Variants in TNPO3 observed in about 807,000 individuals in gnomAD.
The protein encoded by TNPO3 is transportin-3.
In TNPO3, 65 loss-of-function variants were observed where a neutral mutation model predicts 122.8. That is an observed-to-expected ratio of 0.53 (90% CI 0.43 to 0.65). TNPO3 has a LOEUF of 0.65. Among genes scored for constraint, TNPO3 ranks in the 30% least tolerant of loss-of-function variants. The pLI, the probability that TNPO3 is intolerant of heterozygous loss-of-function variation, is 0.00. For missense variants in TNPO3, 850 were observed against 1,136.7 expected (o/e 0.75, Z 3.63); for synonymous variants, 372 against 411.2 (o/e 0.90, Z 1.15).
intron 1 of TNPO3, among the ~76,000 whole-genome samples, chr7:129,035,919 T>A (rs1231282807): frequency 6.6e-6 from 1 of 151,518 alleles, no homozygotes; most frequent in African/African-American, 2.4e-5. Context: ...CCTGGATTTG[T>A]GTGGGGTATG....
chr7:128,967,605 C>A (rs1798048282), intron 20 of TNPO3, among the ~76,000 whole-genome samples: 1 of 152,248 alleles, frequency 6.6e-6, no homozygotes, highest in Admixed American at 6.5e-5. Flanking sequence ...GACTTCCCTT[C>A]AAAGGGGCAG....
chr7:128,957,175 C>T lies in TNPO3; in HGVS notation c.*31+49G>A. 12 of 1,530,528 alleles carry T rather than the reference C, an allele frequency of 7.8e-6. No homozygotes were observed. The South Asian group carries it at 1.3e-4, about 17-fold the overall frequency. 94.8% of individuals were successfully genotyped at this position (1,530,528 alleles called of 1,614,324 possible). The stretch of plus-strand genomic sequence containing the variant: ...AAACCTATCCCCATTCCCAGGCATC[C>T]CCAACAGTCCGACAGTCCGGACAAA... On this transcript the variant is annotated intron_variant, in intron 22 of 22. Coordinates refer to ENST00000265388, the MANE Select transcript of TNPO3 (RefSeq NM_012470.4).
rs749086100 is a variant in TNPO3 at position 129,001,239 on chromosome 7, G to C, written c.697-5C>G. The C allele has an allele frequency of 6.3e-7, 1 of 1,594,044 alleles. No homozygotes were observed. The highest frequency in any genetic ancestry group is 8.6e-7 in the Non-Finnish European group (1 of 1,164,580). ...AGACGAGGTCTTATCCTGTTGCTGG[G>C]GAGGTAGCAGGAATAGGGAAGCAAG... On this transcript the variant is annotated splice_region_variant and splice_polypyrimidine_tract_variant and intron_variant, in intron 5 of 22. Coordinates refer to ENST00000265388, the MANE Select transcript of TNPO3 (RefSeq NM_012470.4).
At chr7:129,041,107 G>A (rs1228674499) in intron 1 of TNPO3, among the ~76,000 whole-genome samples, 1 of 152,038 alleles carries the variant, frequency 6.6e-6, no homozygotes, top group East Asian at 1.9e-4. Flanking sequence ...GCTCACACCT[G>A]TAATCCCCGA....
intron 5 of TNPO3, among the ~76,000 whole-genome samples, chr7:129,002,996 C>G (rs546764248): frequency 4.2e-5 from 6 of 143,034 alleles, no homozygotes; most frequent in African/African-American, 1.0e-4. Flanking sequence ...GCCAAGATGG[C>G]GCCACTGCAC....
At chr7:129,025,802 A>G (rs1168019525) in intron 1 of TNPO3, among the ~76,000 whole-genome samples, 2 of 152,190 alleles carry the variant, frequency 1.3e-5, no homozygotes, top group Admixed American at 1.3e-4. Flanking sequence ...CTGTGTTTAC[A>G]TTTAGAAAAT....
In TNPO3 at chr7:129,001,178, T is replaced by C. The variant is rs1030327374; in HGVS notation, c.753A>G (p.Ser251=). 24 of 1,613,992 alleles carry C rather than the reference T, an allele frequency of 1.5e-5. No individual in the cohort carries two copies. The highest frequency in any genetic ancestry group is 1.9e-5 in the Non-Finnish European group (23 of 1,180,024). Reference sequence around the variant, plus strand: ...CCACATTCTCAATGGCATAGAGAGCTGAGCATACACAGTCCGAAGCAGCTT... The same window carrying C: ...CCACATTCTCAATGGCATAGAGAGCCGAGCATACACAGTCCGAAGCAGCTT... ...LHEAASDCVC[S]ALYAIENVET... Residue 251 remains serine, a synonymous_variant, in exon 6 of 23, where the codon TCA becomes TCG. Coordinates refer to ENST00000265388, the MANE Select transcript of TNPO3 (RefSeq NM_012470.4).
intron 13 of TNPO3, among the ~76,000 whole-genome samples, chr7:128,982,653 A>G (rs989262043): frequency 1.3e-5 from 2 of 152,074 alleles, no homozygotes; most frequent in African/African-American, 2.4e-5. Context: ...TAGATTGTAT[A>G]TATGTTATGT....
At chr7:128,999,964 T>C (rs886588739) in intron 7 of TNPO3, among the ~76,000 whole-genome samples, 2 of 152,120 alleles carry the variant, frequency 1.3e-5, no homozygotes, top group Non-Finnish European at 2.9e-5. Context: ...ATAAATGAGA[T>C]TTTAAAAAAT....
chr7:129,014,908 C>T, intron 4 of TNPO3, 71 bp downstream of exon 4: 3 of 1,449,270 alleles, frequency 2.1e-6, no homozygotes, highest in Non-Finnish European at 2.8e-6. Flanking sequence ...CACAATAATG[C>T]AATTGATTAC....
intron 11 of TNPO3, among the ~76,000 whole-genome samples, chr7:128,988,849 C>A (rs540249220): frequency 6.6e-6 from 1 of 152,028 alleles, no homozygotes; most frequent in African/African-American, 2.4e-5. Flanking sequence ...GAGGCTGAGG[C>A]GGGCAGATTA....
At position 128,955,269 on chromosome 7, in the gene TNPO3, T is replaced by G. The variant is rs763650865; in HGVS notation, c.*148A>C. ...GCCTCAGAAGGCTGGAGTCTCTCCCTGTCTGGCGGGACACCCTGGTGGCGG... is the reference window on the plus strand; with the variant it reads ...GCCTCAGAAGGCTGGAGTCTCTCCCGGTCTGGCGGGACACCCTGGTGGCGG... On this transcript the variant is annotated 3_prime_UTR_variant, in exon 23 of 23. Transcript: ENST00000265388. 1.1e-5 allele frequency: 5 copies of G among 454,234 alleles called. No individual in the cohort carries two copies. The highest frequency in any genetic ancestry group is 2.2e-5 in the Non-Finnish European group (5 of 226,666). 28.1% of individuals were successfully genotyped at this position (454,234 alleles called of 1,614,324 possible). A position where few individuals can be genotyped will look rare whatever the true frequency, so the allele number is the denominator to read the frequency against.
At chr7:128,963,857 ATAAAAGTG>A (rs1157599362) in intron 21 of TNPO3, among the ~76,000 whole-genome samples, 1 of 152,232 alleles carries the variant, frequency 6.6e-6, no homozygotes, top group Non-Finnish European at 1.5e-5. Context: ...GATTTTACCC[ATAAAAGTG>A]TAATTTATGC....
chr7:128,965,785 A>T (rs1216818534), intron 21 of TNPO3, among the ~76,000 whole-genome samples: 2 of 152,240 alleles, frequency 1.3e-5, no homozygotes, highest in Non-Finnish European at 2.9e-5. Flanking sequence ...ACGCTACAAC[A>T]TAGATGAATC....
chr7:128,994,438 C>A (rs1801090198), intron 8 of TNPO3, among the ~76,000 whole-genome samples: 1 of 151,976 alleles, frequency 6.6e-6, no homozygotes, highest in South Asian at 2.1e-4. Context: ...CCACCGTGAG[C>A]CGGCATGCCC....
intron 1 of TNPO3, among the ~76,000 whole-genome samples, chr7:129,044,072 A>T (rs544829711): frequency 2.9e-4 from 44 of 152,342 alleles, no homozygotes; most frequent in Admixed American, 4.6e-4. Context: ...TGTCTAACTT[A>T]AAGTATTGTA....
chr7:129,036,998 T>A (rs17339773), intron 1 of TNPO3, among the ~76,000 whole-genome samples: 2,961 of 152,256 alleles, frequency 0.019, 41 homozygotes, highest in Middle Eastern at 0.037. Flanking sequence ...AAGTGACATG[T>A]GGGACACAGT....
Position 128,997,465 on chromosome 7 carries a change from A to G in TNPO3, c.1082T>C (p.Ile361Thr). The G allele has an allele frequency of 1.2e-6, 2 of 1,614,192 alleles. No individual in the cohort carries two copies. The highest frequency in any genetic ancestry group is 1.7e-6 in the Non-Finnish European group (2 of 1,179,976). The stretch of plus-strand genomic sequence containing the variant: ...AATGTAAGCTTTGAAGATGCCATGA[A>G]TAACTTCATCGTTAGTTTTGTACAA... ...EHLYKTNDEV[I>T]HGIFKAYIQR... Residue 361 changes from isoleucine to threonine, a missense_variant, in exon 8 of 23, where the codon ATT becomes ACT. Coordinates refer to ENST00000265388, the MANE Select transcript of TNPO3 (RefSeq NM_012470.4).
chr7:129,025,334 G>C (rs1055498973), intron 1 of TNPO3, among the ~76,000 whole-genome samples: 4 of 93,800 alleles, frequency 4.3e-5, no homozygotes, highest in African/African-American at 1.7e-4. Context: ...TAGGCAACAA[G>C]AGTGAAACTC....
Sources: allele counts gnomAD v4.1 joint callset (sites outside exome capture counted in the v4.1 genomes callset), GRCh38; gene constraint gnomAD v4.1.1; transcripts MANE v1.5; gene names NCBI Gene and HGNC (gene_info 2026-07-23, HGNC 2026-07-21).